The following GAS6 variants were observed in gnomAD, a reference collection of about 807,000 sequenced individuals.
GAS6 encodes the protein growth arrest specific 6.
A neutral mutation model predicts 75.8 loss-of-function variants in GAS6; 41 were observed. The ratio of observed to expected loss-of-function variants is 0.54; its 90% CI spans 0.42 to 0.70. The LOEUF (loss-of-function observed/expected upper bound fraction) is 0.70, where lower values mean the gene tolerates loss of function less well. Ranked by LOEUF, GAS6 falls within the 30% of genes least tolerant of loss-of-function variation. The probability of loss-of-function intolerance (pLI) is 0.00; values close to 1 mark genes in which losing one functional copy is unlikely to be tolerated. For synonymous variants in GAS6, 432 were observed against 412.6 expected (o/e 1.05, Z -0.57); for missense variants, 854 against 940.2 (o/e 0.91, Z 1.20).
chr13:113,834,745 T>C (rs1566361457), intron 7 of GAS6, 73 bp from the exon 8 acceptor site: 3 of 1,346,426 alleles, frequency 2.2e-6, no homozygotes, highest in East Asian at 5.4e-5. Flanking sequence ...CACACCGCGA[T>C]TGCTCAAACC....
At chr13:113,838,994 G>A in intron 5 of GAS6, 1 of 169,612 alleles carries the variant, frequency 5.9e-6, no homozygotes. Context: ...GGGAGGGCAT[G>A]GGGGATCCCC....
At chr13:113,828,193 G>A (rs1391905287) in intron 11 of GAS6, among the ~76,000 whole-genome samples, 1 of 152,148 alleles carries the variant, frequency 6.6e-6, no homozygotes, top group Non-Finnish European at 1.5e-5. Flanking sequence ...GAACCCGGGA[G>A]GCGGAGCTTG....
intron 11 of GAS6, among the ~76,000 whole-genome samples, chr13:113,828,155 C>T (rs1258538210): frequency 1.1e-4 from 17 of 152,098 alleles, no homozygotes; most frequent in South Asian, 6.2e-4. Flanking sequence ...TCCCAGCTGC[C>T]TGGGAGGCTG....
At chr13:113,836,137 G>A in intron 6 of GAS6, 3 of 860,794 alleles carry the variant, frequency 3.5e-6, no homozygotes, top group South Asian at 5.6e-5. Context: ...GGTAGGAGGG[G>A]CAACCCTGAA....
Position 113,840,607 on chromosome 13 carries a change from C to T in GAS6, c.344-757G>A, listed in dbSNP as rs79310454. On this transcript the variant is annotated intron_variant, in intron 4 of 14. Coordinates refer to ENST00000327773, the MANE Select transcript of GAS6 (RefSeq NM_000820.4). ...TCCAGGACACGGACCCAAACCACGTCCCAGAGGCAGGCAGGGAAGCCCCCG... is the reference window on the plus strand; with the variant it reads ...TCCAGGACACGGACCCAAACCACGTTCCAGAGGCAGGCAGGGAAGCCCCCG... 1,670 of 152,368 alleles carry T rather than the reference C, an allele frequency of 0.011. 117 individuals carry two copies. The East Asian group carries it at 0.19, about 17-fold the overall frequency. The allele number at this position is 152,368 out of a possible 1,614,324, so 9.4% of individuals were successfully genotyped here. A position where few individuals can be genotyped will look rare whatever the true frequency, so the allele number is the denominator to read the frequency against.
Position 113,863,432 on chromosome 13 carries a change from C to T in GAS6, c.255+143G>A. 1.4e-6 allele frequency: 1 copy of T among 728,388 alleles called. No individual in the cohort carries two copies. The highest frequency in any genetic ancestry group is 1.9e-6 in the Non-Finnish European group (1 of 519,694). 45.1% of individuals were successfully genotyped at this position (728,388 alleles called of 1,614,324 possible). On this transcript the variant is annotated intron_variant, in intron 2 of 14. Transcript: ENST00000327773. The surrounding 1 kb of genome is among the most constrained non-coding windows in gnomAD (Gnocchi z 9.4). ...CGCCGGGGGATGGGCGTGGGGGACG[C>T]GGGGCGGGCCGGGGCTCCTGGGACC...
chr13:113,834,865 C>T (rs543155639), intron 7 of GAS6, 193 bp from the exon 8 acceptor site: 233 of 480,158 alleles, frequency 4.9e-4, no homozygotes, highest in Admixed American at 9.2e-4. Context: ...TGCTCCTGCC[C>T]GGGCTCTTTC....
At chr13:113,832,776 G>A (rs373401212) in intron 8 of GAS6, 24 bp from the exon 9 acceptor site, 42 of 1,612,022 alleles carry the variant, frequency 2.6e-5, no homozygotes, top group Admixed American at 6.7e-5. Flanking sequence ...GGGCCACGCC[G>A]GTCGGGGATG....
intron 4 of GAS6, chr13:113,840,250 G>T: frequency 4.7e-6 from 1 of 211,424 alleles, no homozygotes; most frequent in Non-Finnish European, 9.4e-6. Context: ...TCCCTGGCCA[G>T]CCCCTAGCCC....
intron 10 of GAS6, among the ~76,000 whole-genome samples, chr13:113,831,759 G>A (rs990861875): frequency 1.4e-5 from 2 of 147,636 alleles, no homozygotes; most frequent in African/African-American, 5.0e-5. Context: ...CCCGTCCCCC[G>A]GAGCATGAAC....
intron 10 of GAS6, 52 bp downstream of exon 10, chr13:113,832,247 G>T: frequency 1.3e-6 from 2 of 1,562,656 alleles, no homozygotes; most frequent in South Asian, 1.1e-5. Flanking sequence ...AGCTGAGTCT[G>T]GCTCAGGGAG....
intron 2 of GAS6, among the ~76,000 whole-genome samples, chr13:113,859,008 C>T (rs374561610): frequency 7.9e-4 from 119 of 150,196 alleles, no homozygotes; most frequent in African/African-American, 2.8e-3. Context: ...GTATACATGT[C>T]TGTTAGTATG....
At chr13:113,854,284 T>G (rs2051897124) in intron 2 of GAS6, among the ~76,000 whole-genome samples, 1 of 152,120 alleles carries the variant, frequency 6.6e-6, no homozygotes, top group Non-Finnish European at 1.5e-5. Context: ...CCTGACCCGG[T>G]GGGTAACCAA....
chr13:113,853,997 C>T (rs2051894974), intron 2 of GAS6, among the ~76,000 whole-genome samples: 1 of 152,224 alleles, frequency 6.6e-6, no homozygotes, highest in African/African-American at 2.4e-5. Flanking sequence ...GCATGGCCCC[C>T]AGCCCAGAGG....
rs777199320 is a variant in GAS6, at chr13:113,835,530, T to C, written c.695A>G (p.Gln232Arg). 1.1e-5 allele frequency: 17 copies of C among 1,612,526 alleles called. No homozygotes were observed. The highest frequency in any genetic ancestry group is 2.2e-5 in the East Asian group (1 of 44,874). Residue 232 changes from glutamine (Q) to arginine (R), a missense_variant, in exon 7 of 15, where the codon CAG (glutamine) becomes CGG (arginine). Coordinates refer to ENST00000327773, the MANE Select transcript of GAS6 (RefSeq NM_000820.4). ...LCDEGFAYSS[Q>R]EKACRDVDEC... ...GTGGGTACCTCGGCAAGCCTTCTCCTGGGAGCTGTACGCAAAGCCCTCGTC... is the reference window on the plus strand; with the variant it reads ...GTGGGTACCTCGGCAAGCCTTCTCCCGGGAGCTGTACGCAAAGCCCTCGTC...
chr13:113,821,986 G>C lies in GAS6; in HGVS notation c.1854C>G (p.Pro618=). ...LAVLERHLRS[P]VLTFAGGLPD... ...GCAGGCCGCCAGCAAAGGTGAGCAC[G>C]GGGCTCCGCAGGTGCCTCTCGAGCA... Residue 618 remains proline (P), a synonymous_variant, in exon 14 of 15, where the codon CCC becomes CCG. Transcript: ENST00000327773. 2 of 1,545,288 alleles carry C rather than the reference G, an allele frequency of 1.3e-6. No individual in the cohort carries two copies. The highest frequency in any genetic ancestry group is 1.7e-6 in the Non-Finnish European group (2 of 1,147,696).
intron 4 of GAS6, 116 bp from the exon 5 acceptor site, chr13:113,839,966 G>A (rs576574647): frequency 3.3e-6 from 5 of 1,507,894 alleles, no homozygotes; most frequent in African/African-American, 1.4e-5. Flanking sequence ...GAGCTCTGAG[G>A]GGCGCAGGCT....
rs556793775 is a variant in GAS6 at position 113,848,195 on chromosome 13, C to T, written c.256-145G>A. 2.0e-4 allele frequency: 154 copies of T among 776,132 alleles called. 1 individual carries two copies. The highest frequency in any genetic ancestry group is 1.9e-3 in the African/African-American group (107 of 57,150). 48.1% of individuals were successfully genotyped at this position (776,132 alleles called of 1,614,324 possible). The stretch of plus-strand genomic sequence containing the variant: ...ACCCGGGGAACTGAGGGGAAGTGAC[C>T]GGGGCACGACTGCTGTGAGACCAAC... On this transcript the variant is annotated intron_variant, in intron 2 of 14. Transcript: ENST00000327773. This position sits in a 1 kb window ranked among gnomAD's most constrained non-coding sequence, Gnocchi z 4.8.
At chr13:113,849,610 T>A (rs2051858633) in intron 2 of GAS6, among the ~76,000 whole-genome samples, 1 of 152,240 alleles carries the variant, frequency 6.6e-6, no homozygotes. Context: ...AATGCTTGCA[T>A]TACCACAGCT....
Sources: gnomAD v4.1 joint callset for allele counts (sites outside exome capture counted in the v4.1 genomes callset) on GRCh38, gnomAD v4.1.1 for gene constraint, Gnocchi (gnomAD v3.1) non-coding constraint, MANE v1.5 for transcripts, NCBI Gene and HGNC (gene_info 2026-07-23, HGNC 2026-07-21) for gene names.